The following ATP8A2 variants were observed in gnomAD, a reference collection of about 807,000 sequenced individuals.
The protein encoded by ATP8A2 is phospholipid-transporting ATPase IB.
ATP8A2 carries 100 observed loss-of-function variants against 165.6 expected under a neutral mutation model. The observed-to-expected ratio is 0.60, with a 90% CI of 0.51 to 0.71. The LOEUF (loss-of-function observed/expected upper bound fraction) is 0.71. Ranked by LOEUF, ATP8A2 falls within the 30% of genes least tolerant of loss-of-function variation. The pLI is 0.00. For missense variants in ATP8A2, 1,227 were observed against 1,479.5 expected, an observed-to-expected ratio of 0.83 and a Z score of 2.80; for synonymous variants, 543 against 548.8, an observed-to-expected ratio of 0.99 and a Z score of 0.15.
chr13:25,820,817 A>G (rs1282792746), intron 27 of ATP8A2, among the ~76,000 whole-genome samples: 2 of 152,136 alleles, frequency 1.3e-5, no homozygotes, highest in Admixed American at 6.5e-5. Context: ...TACTTTTCCC[A>G]TTTCACCTAT....
chr13:25,769,655 A>T (rs1254674977), intron 26 of ATP8A2, among the ~76,000 whole-genome samples: 1 of 150,528 alleles, frequency 6.6e-6, no homozygotes, highest in Non-Finnish European at 1.5e-5. Flanking sequence ...AGGTGTTGGG[A>T]CACCCCCTGG....
At chr13:25,745,578 G>A (rs753673989) in intron 25 of ATP8A2, among the ~76,000 whole-genome samples, 1 of 152,152 alleles carries the variant, frequency 6.6e-6, no homozygotes, top group Non-Finnish European at 1.5e-5. Context: ...TCTGGACTAT[G>A]TATCCACTCT....
chr13:25,542,172 T>A (rs1228294642), intron 9 of ATP8A2, 126 bp downstream of exon 9: 11 of 1,035,614 alleles, frequency 1.1e-5, no homozygotes, highest in Non-Finnish European at 1.5e-5. Context: ...ACCCTTTCAA[T>A]TAATTTAAAG....
chr13:25,939,339 G>A (rs60291315), intron 33 of ATP8A2, among the ~76,000 whole-genome samples: 8 of 152,092 alleles, frequency 5.3e-5, no homozygotes, highest in African/African-American at 1.4e-4. Context: ...TTGTTTGCCC[G>A]TTTTGGTTGA....
chr13:25,807,155 T>G (rs1593376615), intron 27 of ATP8A2, among the ~76,000 whole-genome samples: 1 of 10,676 alleles, frequency 9.4e-5, no homozygotes, highest in Non-Finnish European at 2.7e-4. Flanking sequence ...CTTTATAGTG[T>G]TTTTTTTTTT....
chr13:25,968,449 C>T, intron 34 of ATP8A2, 126 bp from the exon 35 acceptor site: 3 of 759,178 alleles, frequency 4.0e-6, no homozygotes, highest in South Asian at 3.4e-5. Context: ...GAAAGCTCCA[C>T]CACTTCCCGA....
intron 24 of ATP8A2, among the ~76,000 whole-genome samples, chr13:25,610,883 CTTTT>C (rs56730760): frequency 2.5e-5 from 3 of 120,678 alleles, no homozygotes; most frequent in Admixed American, 8.7e-5. Flanking sequence ...AGGTATATTC[CTTTT>C]TTTTTTTTTT....
intron 25 of ATP8A2, among the ~76,000 whole-genome samples, chr13:25,747,052 T>G (rs2044047642): frequency 6.6e-6 from 1 of 152,210 alleles, no homozygotes; most frequent in Non-Finnish European, 1.5e-5. Flanking sequence ...TCCTTGTGTT[T>G]CCTGACCTCA....
chr13:25,461,498 C>T (rs189513833), intron 1 of ATP8A2, among the ~76,000 whole-genome samples: 6 of 152,234 alleles, frequency 3.9e-5, no homozygotes, highest in African/African-American at 9.6e-5. Flanking sequence ...TGCATGCACA[C>T]GTGCCTCATG....
At chr13:25,561,874 A>G (rs369835469) in intron 15 of ATP8A2, among the ~76,000 whole-genome samples, 2 of 152,090 alleles carry the variant, frequency 1.3e-5, no homozygotes, top group East Asian at 1.9e-4. Context: ...ATTGTGCAGT[A>G]TTTGTGTTTT....
At chr13:25,411,092 T>A (rs1408711548) in intron 1 of ATP8A2, among the ~76,000 whole-genome samples, 1 of 152,214 alleles carries the variant, frequency 6.6e-6, no homozygotes, top group Non-Finnish European at 1.5e-5. Flanking sequence ...ATTATGACAA[T>A]ATTAGCAAAA....
intron 33 of ATP8A2, among the ~76,000 whole-genome samples, chr13:25,887,096 G>A (rs1953182211): frequency 6.6e-6 from 1 of 152,176 alleles, no homozygotes; most frequent in Non-Finnish European, 1.5e-5. Flanking sequence ...AGGAGCGTGG[G>A]TATGCCTGGG....
At chr13:25,481,971 T>G (rs945579181) in intron 2 of ATP8A2, among the ~76,000 whole-genome samples, 1 of 152,096 alleles carries the variant, frequency 6.6e-6, no homozygotes, top group Non-Finnish European at 1.5e-5. Flanking sequence ...CTTCAACATA[T>G]GAATTTTAGG....
At chr13:25,763,847 T>C (rs2044435530) in intron 25 of ATP8A2, among the ~76,000 whole-genome samples, 1 of 152,160 alleles carries the variant, frequency 6.6e-6, no homozygotes, top group African/African-American at 2.4e-5. Context: ...AAGAACACAG[T>C]AGACAGAAGG....
At chr13:25,622,454 A>G (rs902540302) in intron 24 of ATP8A2, among the ~76,000 whole-genome samples, 1 of 152,150 alleles carries the variant, frequency 6.6e-6, no homozygotes, top group African/African-American at 2.4e-5. Context: ...TGAAACCTAG[A>G]AAAGTAATGA....
chr13:25,530,554 T>C lies in ATP8A2; in HGVS notation c.322-8T>C, dbSNP rs776348618. The C allele has an allele frequency of 6.5e-7, 1 of 1,543,566 alleles. No homozygotes were observed. Among genetic ancestry groups the C allele is most frequent in the South Asian group, 1.2e-5 (1 of 85,430 alleles). Reference sequence around the variant, plus strand: ...CCAACTTCCTACTTGTGGTCTCTTATCTTCCAGCAAATTCCAGATGTATCT... The same window carrying C: ...CCAACTTCCTACTTGTGGTCTCTTACCTTCCAGCAAATTCCAGATGTATCT... On this transcript the variant is annotated splice_polypyrimidine_tract_variant and splice_region_variant and intron_variant, in intron 3 of 36. Transcript: ENST00000381655.
rs192743287 is a variant in ATP8A2 at position 25,605,830 on chromosome 13, A to G, written c.2211+16131A>G. ...TGTTTCTAACCTTTAATGTCTAGGA[A>G]AAGATCTCATTTTGTTTTCTACTGT... On this transcript the variant is annotated intron_variant, in intron 24 of 36. Coordinates refer to ENST00000381655, the MANE Select transcript of ATP8A2 (RefSeq NM_016529.6). Among the ~76,000 whole-genome samples, 349 of 152,290 alleles carry G rather than the reference A, an allele frequency of 2.3e-3. 1 individual carries two copies. The highest frequency in any genetic ancestry group is 6.6e-3 in the South Asian group (32 of 4,828).
intron 24 of ATP8A2, among the ~76,000 whole-genome samples, chr13:25,628,828 G>A (rs935896935): frequency 6.6e-6 from 1 of 152,178 alleles, no homozygotes; most frequent in Non-Finnish European, 1.5e-5. Context: ...CAAAGACTCT[G>A]TCTTCAGGTA....
chr13:25,521,109 G>A (rs1263348070), intron 2 of ATP8A2, among the ~76,000 whole-genome samples: 3 of 152,120 alleles, frequency 2.0e-5, no homozygotes, highest in Non-Finnish European at 4.4e-5. Context: ...GCATTTTTCT[G>A]AGAATTAGTT....
Sources: allele counts gnomAD v4.1 joint callset (sites outside exome capture counted in the v4.1 genomes callset), GRCh38; gene constraint gnomAD v4.1.1; transcripts MANE v1.5; gene names NCBI Gene and HGNC (gene_info 2026-07-23, HGNC 2026-07-21).